The following IPO9 variants were observed in gnomAD, a reference collection of about 807,000 sequenced individuals.
IPO9 encodes importin 9.
Under a neutral mutation model 128.6 loss-of-function variants are expected in IPO9, and 28 were observed. That is an observed-to-expected ratio of 0.22 (90% confidence interval 0.16 to 0.30). The LOEUF (loss-of-function observed/expected upper bound fraction) is 0.30. IPO9 is among the 10% of genes least tolerant of loss of function. The probability of loss-of-function intolerance (pLI) is 1.00; values close to 1 mark genes in which losing one functional copy is unlikely to be tolerated. For synonymous variants in IPO9, 455 were observed against 475.8 expected, an observed-to-expected ratio of 0.96 and a Z score of 0.57; for missense variants, 935 against 1,293.9, an observed-to-expected ratio of 0.72 and a Z score of 4.26.
At chr1:201,834,611 C>A (rs886834046) in intron 1 of IPO9, among the ~76,000 whole-genome samples, 3 of 152,136 alleles carry the variant, frequency 2.0e-5, no homozygotes, top group Admixed American at 6.6e-5. Context: ...ATTCTTCGTG[C>A]CAGCATGCAC....
intron 12 of IPO9, 57 bp downstream of exon 12, chr1:201,858,610 C>A: frequency 9.5e-7 from 1 of 1,053,468 alleles, no homozygotes; most frequent in South Asian, 1.8e-5. Context: ...CTTAAAAAGT[C>A]TTGAAAGGAT....
At chr1:201,855,739 T>C (rs959891920) in intron 9 of IPO9, 44 bp from the exon 10 acceptor site, 11 of 1,561,732 alleles carry the variant, frequency 7.0e-6, no homozygotes, top group Non-Finnish European at 9.6e-6. Flanking sequence ...TGCTTTCCTT[T>C]TGCTTTCTTG....
At chr1:201,873,500 C>A (rs1680700170) in intron 20 of IPO9, among the ~76,000 whole-genome samples, 1 of 149,888 alleles carries the variant, frequency 6.7e-6, no homozygotes, top group Admixed American at 6.6e-5. Context: ...GTAATCCCAG[C>A]ACTTTGGGAG....
Position 201,866,906 on chromosome 1 carries a change from T to C in IPO9, c.1802T>C (p.Met601Thr). Residue 601 changes from methionine to threonine, a missense_variant, in exon 15 of 24, where the codon ATG (methionine) becomes ACG (threonine). By Grantham distance (81) the Met-to-Thr change is moderately conservative (BLOSUM62 -1). This residue lies in a region of IPO9 where 741 missense variants were observed against 1,019.1 expected (regional missense o/e 0.73). Coordinates refer to ENST00000361565, the MANE Select transcript of IPO9 (RefSeq NM_018085.5). The stretch of plus-strand genomic sequence containing the variant: ...GTAGACCCCGAATTCACAGCAAGCA[T>C]GGAAAGCAAAATCTGCCCCTTCACC... ...CTVDPEFTAS[M>T]ESKICPFTIA... 12 of 1,614,152 alleles carry C rather than the reference T, an allele frequency of 7.4e-6. No individual in the cohort carries two copies. Among genetic ancestry groups the C allele is most frequent in the Non-Finnish European group, 1.0e-5 (12 of 1,180,032 alleles).
Position 201,883,180 on chromosome 1 carries a change from C to CG in IPO9, c.*7126_*7127insG, listed in dbSNP as rs1415570919. On this transcript the variant is annotated 3_prime_UTR_variant, in exon 24 of 24. Transcript: ENST00000361565. Reference sequence around the variant, plus strand: ...TTTGCTTTCACTAGATTCCCCCCCCCCCAACAACTTAGTCCAAGAACATAC... The same window carrying CG: ...TTTGCTTTCACTAGATTCCCCCCCCCGCCAACAACTTAGTCCAAGAACATAC... The CG allele has an allele frequency of 9.4e-5, 14 of 149,372 alleles. No homozygotes were observed. The highest frequency in any genetic ancestry group is 4.1e-4 in the East Asian group (2 of 4,822). 9.3% of individuals were successfully genotyped at this position (149,372 alleles called of 1,614,324 possible).
At chr1:201,845,935 T>C (rs1264216118) in intron 1 of IPO9, among the ~76,000 whole-genome samples, 1 of 152,190 alleles carries the variant, frequency 6.6e-6, no homozygotes, top group Non-Finnish European at 1.5e-5. Context: ...TTTGCAAGTA[T>C]ATATTAGATC....
Position 201,869,511 on chromosome 1 carries a change from C to G in IPO9, c.2005-79C>G. 3.3e-6 allele frequency: 5 copies of G among 1,537,402 alleles called. 1 individual carries two copies. In the South Asian group the frequency reaches 6.1e-5, roughly 19 times the overall value. On this transcript the variant is annotated intron_variant, in intron 16 of 23. Transcript: ENST00000361565. ...TTTCTCTGGGTTGCTATGTAATACC[C>G]ATCCAGTAAGGATCTTGGTTGTTGG...
At chr1:201,844,375 A>T (rs1680090649) in intron 1 of IPO9, among the ~76,000 whole-genome samples, 1 of 152,202 alleles carries the variant, frequency 6.6e-6, no homozygotes, top group Non-Finnish European at 1.5e-5. Flanking sequence ...TCTACAAAAT[A>T]ACTGATCGAT....
rs1238242748 is a variant in IPO9 at position 201,882,969 on chromosome 1, C to T, written c.*6915C>T. On this transcript the variant is annotated 3_prime_UTR_variant, in exon 24 of 24. Coordinates refer to ENST00000361565, the MANE Select transcript of IPO9 (RefSeq NM_018085.5). ...TACACTGTGACTCAGTTCAATTTCA[C>T]ACATGCTGCTGCTAAATTAGGGTCT... is the stretch of plus-strand genomic sequence containing the variant. 6.6e-6 allele frequency: 1 copy of T among 152,622 alleles called. No individual in the cohort carries two copies. Among genetic ancestry groups the T allele is most frequent in the Non-Finnish European group, 1.5e-5 (1 of 68,040 alleles). The allele number at this position is 152,622 out of a possible 1,614,324, so 9.5% of individuals were successfully genotyped here. A position where few individuals can be genotyped will look rare whatever the true frequency, so the allele number is the denominator to read the frequency against.
Position 201,840,668 on chromosome 1 carries a change from A to G in IPO9, c.164-6611A>G, listed in dbSNP as rs149801421. ...ATACAGAGGAGAGCACACGAATAACATATGGTATATCTACATATATTATGC... is the reference window on the plus strand; with the variant it reads ...ATACAGAGGAGAGCACACGAATAACGTATGGTATATCTACATATATTATGC... On this transcript the variant is annotated intron_variant, in intron 1 of 23. Coordinates refer to ENST00000361565, the MANE Select transcript of IPO9 (RefSeq NM_018085.5). Among the ~76,000 whole-genome samples, 29 of 152,380 alleles carry G rather than the reference A, an allele frequency of 1.9e-4. No homozygotes were observed. The East Asian group carries it at 5.6e-3, about 29-fold the overall frequency.
At chr1:201,835,832 G>A (rs1001495420) in intron 1 of IPO9, among the ~76,000 whole-genome samples, 17 of 152,142 alleles carry the variant, frequency 1.1e-4, no homozygotes, top group Admixed American at 4.6e-4. Context: ...ACACCAGGCC[G>A]GGCACAGTGT....
chr1:201,860,921 A>G (rs571677794), intron 13 of IPO9, among the ~76,000 whole-genome samples: 1 of 152,272 alleles, frequency 6.6e-6, no homozygotes, highest in African/African-American at 2.4e-5. Context: ...TAACCCCAGC[A>G]CTTTGGGAGG....
At chr1:201,842,845 T>C (rs1680057538) in intron 1 of IPO9, among the ~76,000 whole-genome samples, 1 of 152,192 alleles carries the variant, frequency 6.6e-6, no homozygotes, top group South Asian at 2.1e-4. Context: ...AAAGCAGAAG[T>C]AGTCTTAGCA....
At chr1:201,851,518 C>T (rs952453835) in intron 4 of IPO9, among the ~76,000 whole-genome samples, 8 of 150,946 alleles carry the variant, frequency 5.3e-5, no homozygotes, top group Admixed American at 2.6e-4. Flanking sequence ...CCGTCACCTT[C>T]GAGTCTCATT....
intron 1 of IPO9, among the ~76,000 whole-genome samples, chr1:201,841,603 T>C (rs1434623762): frequency 6.6e-6 from 1 of 152,198 alleles, no homozygotes; most frequent in Non-Finnish European, 1.5e-5. Context: ...AATATAATTC[T>C]CCACTAAAAG....
At chr1:201,831,094 T>C (rs1373701566) in intron 1 of IPO9, among the ~76,000 whole-genome samples, 2 of 152,260 alleles carry the variant, frequency 1.3e-5, no homozygotes, top group Middle Eastern at 3.4e-3. Context: ...CCTCAAACTT[T>C]TGGACTCAAG....
chr1:201,835,308 G>GT (rs1218146109), intron 1 of IPO9, among the ~76,000 whole-genome samples: 2 of 152,162 alleles, frequency 1.3e-5, no homozygotes, highest in Non-Finnish European at 2.9e-5. Context: ...TCTCCTTTGG[G>GT]TTTTCCCTTC....
intron 19 of IPO9, 106 bp from the exon 20 acceptor site, chr1:201,872,722 G>C: frequency 7.6e-7 from 1 of 1,312,954 alleles, no homozygotes; most frequent in Non-Finnish European, 1.0e-6. Context: ...GTTGTTAACG[G>C]AATTTTCACT....
chr1:201,856,015 C>T (rs1680322775), intron 10 of IPO9, 81 bp downstream of exon 10: 2 of 985,080 alleles, frequency 2.0e-6, no homozygotes, highest in South Asian at 2.0e-5. Flanking sequence ...GTCAGGTGAA[C>T]ACTTTATTTC....
Sources: allele counts gnomAD v4.1 joint callset (sites outside exome capture counted in the v4.1 genomes callset), GRCh38; gene constraint gnomAD v4.1.1; regional missense constraint gnomAD v4.1.1; transcripts MANE v1.5; gene names NCBI Gene and HGNC (gene_info 2026-07-23, HGNC 2026-07-21).